Variants in EGFR observed in about 807,000 individuals in gnomAD.
The protein encoded by EGFR is avian erythroblastic leukemia viral (v-erb-b) oncogene homolog.
In EGFR, 58 loss-of-function variants were observed where a neutral mutation model predicts 143.0. The observed-to-expected ratio is 0.41, with a 90% CI of 0.33 to 0.50. EGFR has a LOEUF of 0.50. EGFR is among the 20% of genes least tolerant of loss of function. EGFR has a pLI of 0.39. For missense variants in EGFR, 1,307 were observed against 1,579.0 expected, an observed-to-expected ratio of 0.83 and a Z score of 2.92; for synonymous variants, 613 against 594.4, an observed-to-expected ratio of 1.03 and a Z score of -0.45.
chr7:55,177,533 T>C (rs1786652386), intron 19 of EGFR, among the ~76,000 whole-genome samples: 2 of 152,230 alleles, frequency 1.3e-5, no homozygotes, highest in Admixed American at 6.5e-5. Context: ...GTTCTTAAAA[T>C]GCAGGGGACA....
rs1790555634 is a variant in EGFR, at chr7:55,083,128, A to G, written c.89-59158A>G. 2.6e-5 allele frequency among the ~76,000 whole-genome samples: 4 copies of G among 152,176 alleles called. No homozygotes were observed. The South Asian group carries it at 8.3e-4, about 31-fold the overall frequency. On this transcript the variant is annotated intron_variant, in intron 1 of 27. Coordinates refer to ENST00000275493, the MANE Select transcript of EGFR (RefSeq NM_005228.5). ...TACATCTTCAAAAACCCCATTCTCA[A>G]ATAAGGTTACTTCACAAGTGCTGGA...
chr7:55,151,408 T>G, intron 5 of EGFR, 46 bp downstream of exon 5: 1 of 1,585,492 alleles, frequency 6.3e-7, no homozygotes, highest in Non-Finnish European at 8.7e-7. Flanking sequence ...CGCCCCTCTC[T>G]TCCTTCACTT....
At chr7:55,152,275 T>C in intron 5 of EGFR, 1 of 632,388 alleles carries the variant, frequency 1.6e-6, no homozygotes. Flanking sequence ...TTGTATGTGC[T>C]TTCTGCATTG....
intron 1 of EGFR, among the ~76,000 whole-genome samples, chr7:55,046,978 A>G (rs1788213184): frequency 6.6e-6 from 1 of 152,216 alleles, no homozygotes; most frequent in African/African-American, 2.4e-5. Flanking sequence ...TTAGATAAGT[A>G]ACATAAAAAT....
intron 1 of EGFR, among the ~76,000 whole-genome samples, chr7:55,054,109 T>C (rs1347139876): frequency 1.3e-5 from 2 of 150,002 alleles, no homozygotes; most frequent in Non-Finnish European, 3.0e-5. Context: ...CCCTGCCTAA[T>C]GGTCTGCCCG....
chr7:55,200,255 G>GC, intron 23 of EGFR, 61 bp from the exon 24 acceptor site: 10 of 1,483,888 alleles, frequency 6.7e-6, no homozygotes, highest in African/African-American at 1.4e-5. Flanking sequence ...TTTAAGCAAT[G>GC]CCATCTTTAT....
At chr7:55,187,350 A>G (rs1005748546) in intron 20 of EGFR, among the ~76,000 whole-genome samples, 29 of 152,150 alleles carry the variant, frequency 1.9e-4, no homozygotes, top group African/African-American at 6.0e-4. Context: ...CATTCTACAT[A>G]TGGGGAAACA....
intron 15 of EGFR, among the ~76,000 whole-genome samples, chr7:55,165,647 C>T (rs1475682889): frequency 6.6e-6 from 1 of 152,208 alleles, no homozygotes; most frequent in African/African-American, 2.4e-5. Context: ...CACCGTGTCC[C>T]CGGCCGGGCC....
intron 19 of EGFR, among the ~76,000 whole-genome samples, chr7:55,179,322 C>G (rs1027949871): frequency 6.6e-6 from 1 of 152,244 alleles, no homozygotes; most frequent in African/African-American, 2.4e-5. Context: ...CCCTCTTGGC[C>G]TGGGGGCGGG....
At chr7:55,202,165 T>C (rs1242875542) in intron 26 of EGFR, among the ~76,000 whole-genome samples, 2 of 152,214 alleles carry the variant, frequency 1.3e-5, no homozygotes, top group Admixed American at 6.5e-5. Context: ...ATGTGGCTAC[T>C]TCAACTTAAA....
chr7:55,199,234 A>G (rs1158940421), intron 23 of EGFR, among the ~76,000 whole-genome samples: 4 of 152,254 alleles, frequency 2.6e-5, no homozygotes, highest in African/African-American at 9.6e-5. Flanking sequence ...GAGTAACAAC[A>G]TAAGGCTAAT....
chr7:55,186,615 G>T (rs762286751), intron 20 of EGFR, among the ~76,000 whole-genome samples: 2 of 152,150 alleles, frequency 1.3e-5, no homozygotes, highest in Non-Finnish European at 2.9e-5. Flanking sequence ...TTAACCTAAT[G>T]ATCACTTTAG....
intron 22 of EGFR, among the ~76,000 whole-genome samples, chr7:55,196,178 A>AATTTTTTTTTTTTT: frequency 1.1e-5 from 1 of 88,112 alleles, no homozygotes; most frequent in African/African-American, 4.9e-5. Flanking sequence ...ATGTGTTGGG[A>AATTTTTTTTTTTTT]TTTTTTTTTT....
At chr7:55,177,006 G>T (rs1434085514) in intron 19 of EGFR, among the ~76,000 whole-genome samples, 1 of 151,138 alleles carries the variant, frequency 6.6e-6, no homozygotes, top group Non-Finnish European at 1.5e-5. Context: ...AGCTCAGTTT[G>T]GCCTCCTGCT....
In EGFR at chr7:55,181,413, G is replaced by T. The variant is rs1351046105; in HGVS notation, c.2404G>T (p.Val802Phe). ...LMPFGCLLDY[V>F]REHKDNIGSQ... ...GCCCTTCGGCTGCCTCCTGGACTAT[G>T]TCCGGGAACACAAAGACAATATTGG... Residue 802 changes from valine (V) to phenylalanine (F), a missense_variant, in exon 20 of 28, where the codon GTC (valine) becomes TTC (phenylalanine). By Grantham distance (50) the Val-to-Phe change is conservative. Around this residue, in one of 7 missense-constraint regions of EGFR, gnomAD observed 348 missense variants for 451.5 expected, o/e 0.77. Transcript: ENST00000275493. The T allele has an allele frequency of 3.1e-6, 5 of 1,614,228 alleles. No homozygotes were observed. Among genetic ancestry groups the T allele is most frequent in the Non-Finnish European group, 3.4e-6 (4 of 1,180,044 alleles).
At chr7:55,096,806 T>C (rs890240442) in intron 1 of EGFR, among the ~76,000 whole-genome samples, 2 of 152,200 alleles carry the variant, frequency 1.3e-5, no homozygotes, top group Admixed American at 6.5e-5. Flanking sequence ...CGCAGAGCGG[T>C]TTGTGCCCTT....
Position 55,048,523 on chromosome 7 carries a change from T to G in EGFR, c.88+29158T>G, listed in dbSNP as rs2128872802. On this transcript the variant is annotated intron_variant, in intron 1 of 27. Coordinates refer to ENST00000275493, the MANE Select transcript of EGFR (RefSeq NM_005228.5). ...AAAGTGTTTTTGTCTGCTTTTCGGT[T>G]AATAGACTTTCACAGTAGCCAATTG... is the stretch of plus-strand genomic sequence containing the variant. 1.3e-5 allele frequency among the ~76,000 whole-genome samples: 2 copies of G among 152,366 alleles called. 1 individual carries two copies. The highest frequency in any genetic ancestry group is 6.8e-3 in the Middle Eastern group (2 of 294).
In EGFR at chr7:55,116,798, T is replaced by C. The variant is rs565023774; in HGVS notation, c.89-25488T>C. 2.6e-4 allele frequency among the ~76,000 whole-genome samples: 39 copies of C among 152,358 alleles called. 1 individual carries two copies. The highest frequency in any genetic ancestry group is 3.4e-3 in the Middle Eastern group (1 of 294). On this transcript the variant is annotated intron_variant, in intron 1 of 27. Transcript: ENST00000275493. ...TCAGGTTCTTTCACTCAACATTATG[T>C]GTTGATATTTTTCCATGCTGTGCTG...
At chr7:55,192,074 C>G (rs1233806608) in intron 21 of EGFR, among the ~76,000 whole-genome samples, 200 bp downstream of exon 21, 2 of 152,172 alleles carry the variant, frequency 1.3e-5, no homozygotes, top group African/African-American at 4.8e-5. Flanking sequence ...GGGAACAGTA[C>G]TTGCTGGGAC....
Sources: gnomAD v4.1 joint callset for allele counts (sites outside exome capture counted in the v4.1 genomes callset) on GRCh38, gnomAD v4.1.1 for gene constraint, gnomAD v4.1.1 regional missense constraint, MANE v1.5 for transcripts, NCBI Gene and HGNC (gene_info 2026-07-23, HGNC 2026-07-21) for gene names.